Variants in UNC5C observed in about 807,000 individuals in gnomAD.
UNC5C encodes the protein netrin receptor UNC5C.
Under a neutral mutation model 99.8 loss-of-function variants are expected in UNC5C, and 47 were observed. The observed-to-expected ratio is 0.47, with a 90% CI of 0.37 to 0.60. The LOEUF is 0.60. Among genes scored for constraint, UNC5C ranks in the 20% least tolerant of loss-of-function variants. The pLI is 0.00. For synonymous variants in UNC5C, 487 were observed against 452.2 expected, an observed-to-expected ratio of 1.08 and a Z score of -0.98; for missense variants, 1,062 against 1,165.9, an observed-to-expected ratio of 0.91 and a Z score of 1.30.
chr4:95,475,511 C>G (rs1748115978), intron 1 of UNC5C, among the ~76,000 whole-genome samples: 1 of 151,866 alleles, frequency 6.6e-6, no homozygotes, highest in African/African-American at 2.4e-5. Flanking sequence ...TGTCCTGTGA[C>G]AGTCAGGAGA....
At chr4:95,435,382 A>T (rs540942087) in intron 1 of UNC5C, among the ~76,000 whole-genome samples, 1 of 152,180 alleles carries the variant, frequency 6.6e-6, no homozygotes, top group Non-Finnish European at 1.5e-5. Flanking sequence ...CACCGTCTTC[A>T]ATTAGAAAGT....
chr4:95,326,712 CA>C (rs1560787441), intron 2 of UNC5C, among the ~76,000 whole-genome samples: 1 of 152,070 alleles, frequency 6.6e-6, no homozygotes, highest in Admixed American at 6.6e-5. Context: ...TTGTTATGAT[CA>C]ATGGATAGAT....
At chr4:95,203,665 A>T (rs1450998305) in intron 11 of UNC5C, among the ~76,000 whole-genome samples, 1 of 151,966 alleles carries the variant, frequency 6.6e-6, no homozygotes, top group Non-Finnish European at 1.5e-5. Flanking sequence ...GGGTTTCACT[A>T]TGTTGCCAGG....
chr4:95,271,475 C>T (rs368758714), intron 4 of UNC5C, among the ~76,000 whole-genome samples: 23 of 152,096 alleles, frequency 1.5e-4, no homozygotes, highest in Middle Eastern at 3.4e-3. Flanking sequence ...GTGATCCGCC[C>T]GCCTCGGCCT....
intron 9 of UNC5C, among the ~76,000 whole-genome samples, chr4:95,218,099 C>A (rs575441442): frequency 6.6e-6 from 1 of 152,238 alleles, no homozygotes; most frequent in East Asian, 1.9e-4. Context: ...CTTGAGTATA[C>A]ACATATTATG....
intron 1 of UNC5C, among the ~76,000 whole-genome samples, chr4:95,364,881 T>C (rs766151317): frequency 6.6e-6 from 1 of 152,174 alleles, no homozygotes; most frequent in Non-Finnish European, 1.5e-5. Context: ...CATTGCAGTT[T>C]ATGTATTTTT....
chr4:95,356,496 T>C (rs1560802032), intron 1 of UNC5C, among the ~76,000 whole-genome samples: 1 of 152,188 alleles, frequency 6.6e-6, no homozygotes, highest in African/African-American at 2.4e-5. Flanking sequence ...TCCAGCCACA[T>C]TCATAATGAT....
At chr4:95,256,998 A>T (rs558673465) in intron 4 of UNC5C, among the ~76,000 whole-genome samples, 35 of 152,204 alleles carry the variant, frequency 2.3e-4, no homozygotes, top group African/African-American at 8.2e-4. Context: ...GCTCACCCAG[A>T]TTAAGAGTGA....
intron 1 of UNC5C, among the ~76,000 whole-genome samples, chr4:95,445,854 G>A (rs1481995710): frequency 6.6e-6 from 1 of 152,116 alleles, no homozygotes; most frequent in Non-Finnish European, 1.5e-5. Context: ...CAGTGCTGGA[G>A]CGGAGGAGAG....
chr4:95,486,960 T>C (rs1721343914), intron 1 of UNC5C, among the ~76,000 whole-genome samples: 1 of 151,664 alleles, frequency 6.6e-6, no homozygotes, highest in East Asian at 2.0e-4. Context: ...CAAGGCCAAT[T>C]ATAAAAGGGC....
At chr4:95,284,505 G>T (rs1030216076) in intron 3 of UNC5C, among the ~76,000 whole-genome samples, 1 of 152,140 alleles carries the variant, frequency 6.6e-6, no homozygotes, top group African/African-American at 2.4e-5. Context: ...GAAGACAACA[G>T]CTTATAATAT....
chr4:95,280,374 G>A (rs1049598677), intron 3 of UNC5C, among the ~76,000 whole-genome samples: 11 of 152,116 alleles, frequency 7.2e-5, no homozygotes. Flanking sequence ...TGATTGTCAA[G>A]ACATTGAATA....
intron 1 of UNC5C, among the ~76,000 whole-genome samples, chr4:95,372,403 A>G (rs1744773673): frequency 1.3e-5 from 2 of 152,228 alleles, no homozygotes; most frequent in Admixed American, 6.5e-5. Flanking sequence ...AAACCCACTG[A>G]CACAAATGCA....
At chr4:95,336,946 T>C (rs1025405119) in intron 1 of UNC5C, among the ~76,000 whole-genome samples, 4 of 151,952 alleles carry the variant, frequency 2.6e-5, no homozygotes, top group African/African-American at 9.7e-5. Flanking sequence ...TTCCATCAAT[T>C]GCAGCTCCTT....
chr4:95,310,508 T>C (rs1465586167), intron 2 of UNC5C, among the ~76,000 whole-genome samples: 1 of 152,178 alleles, frequency 6.6e-6, no homozygotes, highest in East Asian at 1.9e-4. Context: ...ATTTAGCCAT[T>C]CCATGATATA....
At chr4:95,276,463 G>C (rs1661805855) in intron 4 of UNC5C, among the ~76,000 whole-genome samples, 3 of 151,944 alleles carry the variant, frequency 2.0e-5, no homozygotes, top group African/African-American at 2.4e-5. Context: ...TTGTCAAGGA[G>C]ACTGAAAAAA....
chr4:95,258,094 A>G (rs1306866062), intron 4 of UNC5C, among the ~76,000 whole-genome samples: 2 of 152,234 alleles, frequency 1.3e-5, no homozygotes, highest in African/African-American at 4.8e-5. Context: ...ACATTCTTCC[A>G]TGTGAAACAA....
At chr4:95,361,548 G>A (rs1332046745) in intron 1 of UNC5C, among the ~76,000 whole-genome samples, 1 of 152,170 alleles carries the variant, frequency 6.6e-6, no homozygotes, top group Non-Finnish European at 1.5e-5. Context: ...TCCTGTGAGT[G>A]TGGGCTGCAG....
chr4:95,448,504 T>C (rs565578841), intron 1 of UNC5C, among the ~76,000 whole-genome samples: 1 of 152,274 alleles, frequency 6.6e-6, no homozygotes, highest in South Asian at 2.1e-4. Flanking sequence ...TTTTAAATTC[T>C]AGTGATGGCA....
Sources: allele counts gnomAD v4.1 joint callset (sites outside exome capture counted in the v4.1 genomes callset), GRCh38; gene constraint gnomAD v4.1.1; transcripts MANE v1.5; gene names NCBI Gene and HGNC (gene_info 2026-07-23, HGNC 2026-07-21).